CS: variants seen among roughly 807,000 people sequenced by gnomAD.
CS encodes citrate synthase, mitochondrial.
Under a neutral mutation model 61.4 loss-of-function variants are expected in CS, and 13 were observed. That is an observed-to-expected ratio of 0.21 (90% CI 0.14 to 0.34). The LOEUF (loss-of-function observed/expected upper bound fraction) is 0.34. CS is among the 10% of genes least tolerant of loss of function. CS has a pLI of 1.00. For missense variants in CS, 278 were observed against 573.4 expected (o/e 0.48, Z 5.26); for synonymous variants, 159 against 215.2 (o/e 0.74, Z 2.29).
chr12:56,291,280 C>A, intron 1 of CS: 2 of 1,085,806 alleles, frequency 1.8e-6, no homozygotes, highest in Non-Finnish European at 2.3e-6. Context: ...AAGCCTGAGG[C>A]AGAGGTGAAT....
intron 1 of CS, among the ~76,000 whole-genome samples, chr12:56,287,479 CAAAAAAAAAAAA>C (rs61199207): frequency 0.013 from 602 of 44,776 alleles, 9 homozygotes; most frequent in African/African-American, 0.036. Flanking sequence ...AAGACTCTGT[CAAAAAAAAAAAA>C]AAAAAAAAAA....
chr12:56,276,202 G>A lies in CS; in HGVS notation c.589-7C>T, dbSNP rs1457095538. On this transcript the variant is annotated splice_polypyrimidine_tract_variant and splice_region_variant and intron_variant, in intron 6 of 10. Transcript: ENST00000351328. ...TAGAGTCTTCATAAATCAACTGACA[G>A]AAGAGGAGCAAGATGGAGAAAAAAA... 2.5e-6 allele frequency: 4 copies of A among 1,613,410 alleles called. No homozygotes were observed. Among genetic ancestry groups the A allele is most frequent in the Non-Finnish European group, 3.4e-6 (4 of 1,179,572 alleles).
At chr12:56,294,479 A>G (rs866277124) in intron 1 of CS, among the ~76,000 whole-genome samples, 8,027 of 149,216 alleles carry the variant, frequency 0.054, 125 homozygotes, top group Middle Eastern at 0.097. Flanking sequence ...GTCTCAAAAA[A>G]AAAAAAAAAA....
intron 10 of CS, 147 bp from the exon 11 acceptor site, chr12:56,273,401 A>G: frequency 1.0e-6 from 1 of 982,810 alleles, no homozygotes; most frequent in Non-Finnish European, 1.5e-6. Context: ...GACACTGAGA[A>G]AAGTATAGCA....
intron 5 of CS, 87 bp downstream of exon 5, chr12:56,282,773 A>G (rs1392176634): frequency 6.3e-7 from 1 of 1,589,294 alleles, no homozygotes; most frequent in African/African-American, 1.3e-5. Flanking sequence ...ATCTCTATAA[A>G]TGCCGGATCA....
chr12:56,273,318 G>A, intron 10 of CS, 64 bp from the exon 11 acceptor site: 2 of 1,508,152 alleles, frequency 1.3e-6, no homozygotes, highest in Non-Finnish European at 1.8e-6. Context: ...CAAGTCCTAG[G>A]TGATAGAAAC....
At chr12:56,294,842 C>T (rs1054915591) in intron 1 of CS, among the ~76,000 whole-genome samples, 2 of 152,108 alleles carry the variant, frequency 1.3e-5, no homozygotes, top group African/African-American at 4.8e-5. Context: ...GATCTCAGCT[C>T]ACAGCAACCT....
At chr12:56,282,072 T>C (rs1872792226) in intron 6 of CS, among the ~76,000 whole-genome samples, 1 of 152,222 alleles carries the variant, frequency 6.6e-6, no homozygotes, top group Non-Finnish European at 1.5e-5. Context: ...TTGGCCAGAC[T>C]AGTCTTGAAC....
At chr12:56,283,502 C>T (rs1872839415) in intron 4 of CS, among the ~76,000 whole-genome samples, 1 of 152,182 alleles carries the variant, frequency 6.6e-6, no homozygotes, top group Admixed American at 6.5e-5. Flanking sequence ...CTCAGCCTCC[C>T]AAAGTGCTGG....
At chr12:56,293,112 C>G (rs1166129869) in intron 1 of CS, among the ~76,000 whole-genome samples, 1 of 151,764 alleles carries the variant, frequency 6.6e-6, no homozygotes, top group Non-Finnish European at 1.5e-5. Flanking sequence ...TCTCAAAAAA[C>G]AAAACAAAAC....
At chr12:56,273,340 A>C in intron 10 of CS, 86 bp from the exon 11 acceptor site, 1 of 1,403,646 alleles carries the variant, frequency 7.1e-7, no homozygotes, top group Non-Finnish European at 9.8e-7. Context: ...TTAAAAGCTA[A>C]ATTTTCCATT....
At chr12:56,285,694 G>T (rs1292161399) in intron 3 of CS, among the ~76,000 whole-genome samples, 1 of 152,114 alleles carries the variant, frequency 6.6e-6, no homozygotes, top group Non-Finnish European at 1.5e-5. Context: ...AACAGAATGA[G>T]TTCTAGTCTA....
At chr12:56,280,473 T>C (rs1872750750) in intron 6 of CS, among the ~76,000 whole-genome samples, 1 of 146,878 alleles carries the variant, frequency 6.8e-6, no homozygotes, top group Admixed American at 6.9e-5. Context: ...TGTGCGCCTG[T>C]AATGCCAGCT....
chr12:56,295,886 G>A (rs950434348), intron 1 of CS, among the ~76,000 whole-genome samples: 3 of 145,290 alleles, frequency 2.1e-5, no homozygotes, highest in Admixed American at 1.4e-4. Context: ...CCCCAGAGGC[G>A]GATCTTGCAG....
intron 10 of CS, 129 bp downstream of exon 10, chr12:56,273,458 A>T: frequency 1.9e-6 from 2 of 1,059,042 alleles, no homozygotes; most frequent in Non-Finnish European, 2.8e-6. Flanking sequence ...ACCCTCTCAT[A>T]GTCAACTTTA....
At chr12:56,294,226 C>A (rs1442731836) in intron 1 of CS, among the ~76,000 whole-genome samples, 2 of 152,036 alleles carry the variant, frequency 1.3e-5, no homozygotes, top group African/African-American at 4.8e-5. Context: ...GTAATCCCAG[C>A]ACTTTGGGAG....
At position 56,275,623 on chromosome 12, in the gene CS, C is replaced by G. The variant is rs551211687; in HGVS notation, c.788+373G>C. The stretch of plus-strand genomic sequence containing the variant: ...ATCTCATTACCAGCTTTTGTTCACT[C>G]ATCCACAGAGCTGGAGAGGTTACTG... On this transcript the variant is annotated intron_variant, in intron 7 of 10. Transcript: ENST00000351328. 2.0e-4 allele frequency: 51 copies of G among 254,908 alleles called. No individual in the cohort carries two copies. In the East Asian group the frequency reaches 2.8e-3, roughly 14 times the overall value. 15.8% of individuals were successfully genotyped at this position (254,908 alleles called of 1,614,324 possible). A position where few individuals can be genotyped will look rare whatever the true frequency, so the allele number is the denominator to read the frequency against.
intron 1 of CS, chr12:56,291,354 T>TTTC (rs1452585430): frequency 1.3e-5 from 4 of 309,368 alleles, no homozygotes; most frequent in Middle Eastern, 4.9e-4. Flanking sequence ...TCTTTCTTTC[T>TTTC]TTTTTTTTTT....
chr12:56,294,393 G>A (rs568120226), intron 1 of CS, among the ~76,000 whole-genome samples: 216 of 143,662 alleles, frequency 1.5e-3, no homozygotes, highest in Admixed American at 5.4e-3. Context: ...ACAATTGCTT[G>A]AACCCAGGAG....
Sources: gnomAD v4.1 joint callset for allele counts (sites outside exome capture counted in the v4.1 genomes callset) on GRCh38, gnomAD v4.1.1 for gene constraint, MANE v1.5 for transcripts, NCBI Gene and HGNC (gene_info 2026-07-23, HGNC 2026-07-21) for gene names.